PAXIP1: variants seen among roughly 807,000 people sequenced by gnomAD.
The protein encoded by PAXIP1 is PAX interacting protein 1.
PAXIP1 carries 19 observed loss-of-function variants against 140.6 expected under a neutral mutation model. The ratio of observed to expected loss-of-function variants is 0.14; its 90% CI spans 0.09 to 0.20. The LOEUF (loss-of-function observed/expected upper bound fraction) is 0.20, where lower values mean the gene tolerates loss of function less well. Among genes scored for constraint, PAXIP1 ranks in the 10% least tolerant of loss-of-function variants. The pLI, the probability that PAXIP1 is intolerant of heterozygous loss-of-function variation, is 1.00. For missense variants in PAXIP1, 920 were observed against 1,208.6 expected (o/e 0.76, Z 3.54); for synonymous variants, 442 against 444.6 (o/e 0.99, Z 0.07).
Position 154,963,416 on chromosome 7 carries a change from C to T in PAXIP1, c.1989+255G>A, listed in dbSNP as rs1195303944. On this transcript the variant is annotated intron_variant, in intron 9 of 20. Transcript: ENST00000404141. The surrounding 1 kb of genome is among the most constrained non-coding windows in gnomAD (Gnocchi z 4.1). ...GTCTCAAACGCCTGACCTCGTGACC[C>T]GTCCACCTCGGCCTCCTGTCCGCCC... is the stretch of plus-strand genomic sequence containing the variant. Among the ~76,000 whole-genome samples the T allele has an allele frequency of 1.3e-5, 2 of 151,844 alleles. No individual in the cohort carries two copies. The highest frequency in any genetic ancestry group is 4.8e-5 in the African/African-American group (2 of 41,302).
chr7:154,977,498 G>A (rs1262364678), intron 5 of PAXIP1, among the ~76,000 whole-genome samples: 2 of 152,198 alleles, frequency 1.3e-5, no homozygotes, highest in East Asian at 1.9e-4. Flanking sequence ...GGCAGCGAAC[G>A]CCAGGCATTG....
intron 4 of PAXIP1, among the ~76,000 whole-genome samples, chr7:154,989,594 C>T (rs574689136): frequency 2.6e-5 from 4 of 152,220 alleles, no homozygotes; most frequent in South Asian, 4.1e-4. Flanking sequence ...ATTTGTAAAA[C>T]GACTTTAAAC....
intron 8 of PAXIP1, among the ~76,000 whole-genome samples, chr7:154,965,922 T>G (rs567795669): frequency 6.6e-6 from 1 of 152,274 alleles, no homozygotes; most frequent in South Asian, 2.1e-4. Context: ...TGTTTTCGTT[T>G]GCTTGCTCCT....
intron 6 of PAXIP1, 123 bp downstream of exon 6, chr7:154,975,573 C>G: frequency 1.5e-6 from 1 of 653,722 alleles, no homozygotes; most frequent in Non-Finnish European, 2.6e-6. Context: ...CAGGTTCTCA[C>G]ACAAATACTG....
chr7:154,976,396 C>A, intron 5 of PAXIP1, 65 bp from the exon 6 acceptor site: 1 of 1,509,740 alleles, frequency 6.6e-7, no homozygotes, highest in Non-Finnish European at 8.8e-7. Flanking sequence ...CCTACAATTA[C>A]GCATTTTAGA....
rs761251909 is a variant in PAXIP1 at position 154,957,229 on chromosome 7, T to C, written c.2544A>G (p.Arg848=). The change falls in exon 14 of 21, where the codon AGA becomes AGG. Residue 848 remains arginine (R), a synonymous_variant. Transcript: ENST00000404141. ...TTTAAGGTTATTACTCATACCTGGCTCTTTTGGAAGAAGGCTGGACATTAG... is the reference window on the plus strand; with the variant it reads ...TTTAAGGTTATTACTCATACCTGGCCCTTTTGGAAGAAGGCTGGACATTAG... The part of the protein sequence containing the change: ...EVANVQPSSK[R]ARIEDVPPPT... 9 of 1,598,070 alleles carry C rather than the reference T, an allele frequency of 5.6e-6. No individual in the cohort carries two copies. Among genetic ancestry groups the C allele is most frequent in the Non-Finnish European group, 6.9e-6 (8 of 1,167,542 alleles).
intron 14 of PAXIP1, 169 bp downstream of exon 14, chr7:154,957,055 C>T: frequency 1.9e-6 from 1 of 521,296 alleles, no homozygotes; most frequent in Non-Finnish European, 3.4e-6. Flanking sequence ...ATATACTGGC[C>T]TATGTCATTA....
Position 154,991,684 on chromosome 7 carries a change from T to C in PAXIP1, c.261-615A>G, listed in dbSNP as rs761994524. ...TTAAAAATTCATTCAAAATGATTAA[T>C]GAGCACTTACTACACATCACACACT... is the stretch of plus-strand genomic sequence containing the variant. On this transcript the variant is annotated intron_variant, in intron 3 of 20. Coordinates refer to ENST00000404141, the MANE Select transcript of PAXIP1 (RefSeq NM_007349.4). Among the ~76,000 whole-genome samples the C allele has an allele frequency of 5.9e-4, 90 of 152,348 alleles. 1 individual carries two copies. Among genetic ancestry groups the C allele is most frequent in the Admixed American group, 5.4e-3 (83 of 15,302 alleles).
At chr7:154,979,011 C>T (rs1332247862) in intron 5 of PAXIP1, among the ~76,000 whole-genome samples, 2 of 152,178 alleles carry the variant, frequency 1.3e-5, no homozygotes, top group East Asian at 1.9e-4. Context: ...TACTATATTT[C>T]ACTCAAGTTT....
rs377693450 is a variant in PAXIP1 at position 154,995,719 on chromosome 7, A to G, written c.217-1950T>C. Among the ~76,000 whole-genome samples the G allele has an allele frequency of 2.0e-4, 30 of 152,270 alleles. No individual in the cohort carries two copies. The South Asian group carries it at 2.3e-3, about 12-fold the overall frequency. On this transcript the variant is annotated intron_variant, in intron 2 of 20. Coordinates refer to ENST00000404141, the MANE Select transcript of PAXIP1 (RefSeq NM_007349.4). Reference sequence around the variant, plus strand: ...ACAAAAGTTAGCCGGGCGTGGTGGCACACGCCTGTAGTCCCAGCTACTAGG... The same window carrying G: ...ACAAAAGTTAGCCGGGCGTGGTGGCGCACGCCTGTAGTCCCAGCTACTAGG...
Position 154,975,916 on chromosome 7 carries a change from T to C in PAXIP1, c.854A>G (p.Lys285Arg). The C allele has an allele frequency of 6.2e-7, 1 of 1,613,986 alleles. No homozygotes were observed. Among genetic ancestry groups the C allele is most frequent in the South Asian group, 1.1e-5 (1 of 91,076 alleles). Residue 285 changes from lysine (K) to arginine (R), a missense_variant, in exon 6 of 21, where the codon AAG (lysine) becomes AGG (arginine). Transcript: ENST00000404141. ...AAAKRRLPQG[K>R]EPGLINLCAN... ...ACACAAGTTAATCAACCCAGGCTCC[T>C]TTCCCTGAGGCAGCCTGCGTTTTGC...
At position 154,947,849 on chromosome 7, in the gene PAXIP1, C is replaced by T. The variant is rs1808068424; in HGVS notation, c.2922+54G>A. Reference sequence around the variant, plus strand: ...CAAATCACCTGGTAGTTCCCTTGAGCAGGTCCGTGTGTTATGCTTACTTGG... The same window carrying T: ...CAAATCACCTGGTAGTTCCCTTGAGTAGGTCCGTGTGTTATGCTTACTTGG... On this transcript the variant is annotated intron_variant, in intron 17 of 20. Transcript: ENST00000404141. The T allele has an allele frequency of 4.0e-6, 5 of 1,237,824 alleles. No homozygotes were observed. In the South Asian group the frequency reaches 6.0e-5, roughly 15 times the overall value. The allele number at this position is 1,237,824 out of a possible 1,614,324, so 76.7% of individuals were successfully genotyped here.
In PAXIP1 at chr7:154,968,530, C is replaced by T. The variant is rs1055557175; in HGVS notation, c.1671G>A (p.Leu557=). ...QQMQSQTAPH[L]SQTSQALQHQ... ...GCTGCAGCGCCTGTGACGTCTGACTCAAGTGTGGCGCTGTCTGACTTTGCA... is the reference window on the plus strand; with the variant it reads ...GCTGCAGCGCCTGTGACGTCTGACTTAAGTGTGGCGCTGTCTGACTTTGCA... Residue 557 remains leucine, a synonymous_variant, in exon 7 of 21, where the codon TTG becomes TTA. Coordinates refer to ENST00000404141, the MANE Select transcript of PAXIP1 (RefSeq NM_007349.4). 16 of 769,812 alleles carry T rather than the reference C, an allele frequency of 2.1e-5. No individual in the cohort carries two copies. Among genetic ancestry groups the T allele is most frequent in the Admixed American group, 1.8e-4 (9 of 49,900 alleles). 47.7% of individuals were successfully genotyped at this position (769,812 alleles called of 1,614,324 possible).
At chr7:154,981,138 C>A (rs1809823148) in intron 5 of PAXIP1, among the ~76,000 whole-genome samples, 1 of 151,824 alleles carries the variant, frequency 6.6e-6, no homozygotes, top group Non-Finnish European at 1.5e-5. Flanking sequence ...AAAAAAATTA[C>A]TTAGGAATGG....
chr7:154,968,701 C>G lies in PAXIP1; in HGVS notation c.1500G>C (p.Gln500His), dbSNP rs1006415685. 4.7e-5 allele frequency: 34 copies of G among 717,912 alleles called. No individual in the cohort carries two copies. The Admixed American group carries it at 5.6e-4, about 12-fold the overall frequency. 44.5% of individuals were successfully genotyped at this position (717,912 alleles called of 1,614,324 possible). ...PFQQQHALQQQFHQLQQHQLQ... is the reference protein window; with the variant it reads ...PFQQQHALQQHFHQLQQHQLQ... Reference sequence around the variant, plus strand: ...GCTGGTGCTGCTGCAGCTGATGGAACTGCTGCTGCAGGGCATGCTGCTGCT... The same window carrying G: ...GCTGGTGCTGCTGCAGCTGATGGAAGTGCTGCTGCAGGGCATGCTGCTGCT... Residue 500 changes from glutamine (Q) to histidine (H), a missense_variant, in exon 7 of 21, where the codon CAG becomes CAC. By Grantham distance (24) the Gln-to-His change is conservative (BLOSUM62 0). Transcript: ENST00000404141.
chr7:154,961,670 A>G (rs775432582), intron 10 of PAXIP1, 22 bp from the exon 11 acceptor site: 1 of 1,556,780 alleles, frequency 6.4e-7, no homozygotes, highest in African/African-American at 1.4e-5. Context: ...AGAGAAAATA[A>G]GGTAAACACA....
chr7:154,998,859 T>C (rs2150790398), intron 1 of PAXIP1, 75 bp from the exon 2 acceptor site: 4 of 1,278,458 alleles, frequency 3.1e-6, no homozygotes, highest in Non-Finnish European at 3.3e-6. Flanking sequence ...GAAATAATTA[T>C]TGGGCATAAT....
Position 154,988,186 on chromosome 7 carries a change from T to C in PAXIP1, c.324+2820A>G, listed in dbSNP as rs1266534973. Among the ~76,000 whole-genome samples, 5 of 152,206 alleles carry C rather than the reference T, an allele frequency of 3.3e-5. No homozygotes were observed. The East Asian group carries it at 5.8e-4, about 18-fold the overall frequency. ...CTTGGTTGACACCAGTCTCCTCTTATCTAGCCTCTGTGTACTCCTGACTTC... is the reference window on the plus strand; with the variant it reads ...CTTGGTTGACACCAGTCTCCTCTTACCTAGCCTCTGTGTACTCCTGACTTC... On this transcript the variant is annotated intron_variant, in intron 4 of 20. Transcript: ENST00000404141.
chr7:154,986,705 C>A lies in PAXIP1; in HGVS notation c.325-3373G>T, dbSNP rs1412957371. 6.6e-6 allele frequency among the ~76,000 whole-genome samples: 1 copy of A among 152,146 alleles called. No individual in the cohort carries two copies. Among genetic ancestry groups the A allele is most frequent in the East Asian group, 1.9e-4 (1 of 5,184 alleles). Reference sequence around the variant, plus strand: ...AAGTGACTATTAAAGTCTTCCCCATCCCTATTTGAACAATCTTTCTCAACT... The same window carrying A: ...AAGTGACTATTAAAGTCTTCCCCATACCTATTTGAACAATCTTTCTCAACT... On this transcript the variant is annotated intron_variant, in intron 4 of 20. Transcript: ENST00000404141. The surrounding 1 kb of genome is among the most constrained non-coding windows in gnomAD (Gnocchi z 4.8).
Sources: gnomAD v4.1 joint callset for allele counts (sites outside exome capture counted in the v4.1 genomes callset) on GRCh38, gnomAD v4.1.1 for gene constraint, Gnocchi (gnomAD v3.1) non-coding constraint, MANE v1.5 for transcripts, NCBI Gene and HGNC (gene_info 2026-07-23, HGNC 2026-07-21) for gene names.